Variants in LRP2 observed in about 807,000 individuals in gnomAD.
LRP2 encodes the protein low-density lipoprotein receptor-related protein 2.
Under a neutral mutation model 531.0 loss-of-function variants are expected in LRP2, and 172 were observed. The observed-to-expected ratio is 0.32, with a 90% confidence interval of 0.29 to 0.37. LRP2 has a LOEUF of 0.37. Ranked by LOEUF, LRP2 falls within the 10% of genes least tolerant of loss-of-function variation. The pLI is 1.00. For missense variants in LRP2, 5,167 were observed against 5,868.3 expected (o/e 0.88, Z 3.90); for synonymous variants, 1,992 against 2,027.6 (o/e 0.98, Z 0.47).
At position 169,213,681 on chromosome 2, in the gene LRP2, C is replaced by T; in HGVS notation, c.6016G>A (p.Gly2006Ser). The T allele has an allele frequency of 3.7e-6, 6 of 1,613,054 alleles. No individual in the cohort carries two copies. The highest frequency in any genetic ancestry group is 5.1e-6 in the Non-Finnish European group (6 of 1,179,750). ...VLRDNVPNLRGLQVYHRRNAA... is the reference protein window; with the variant it reads ...VLRDNVPNLRSLQVYHRRNAA... The stretch of plus-strand genomic sequence containing the variant: ...CTGCGTCTGTGATAAACTTGAAGAC[C>T]CCTCAGATTTGGAACATTATCTCTC... Residue 2006 changes from glycine to serine, a missense_variant, in exon 36 of 79, where the codon GGT (glycine) becomes AGT (serine). By Grantham distance (56) the Gly-to-Ser change is moderately conservative. Transcript: ENST00000649046.
chr2:169,145,428 T>C (rs2239591), intron 70 of LRP2, among the ~76,000 whole-genome samples: 109,592 of 152,180 alleles, frequency 0.72, 39,943 homozygotes, highest in South Asian at 0.86. Flanking sequence ...CCAACTCACA[T>C]TTAGCAGGGG....
chr2:169,166,100 T>C, intron 61 of LRP2, 46 bp from the exon 62 acceptor site: 5 of 1,605,388 alleles, frequency 3.1e-6, no homozygotes, highest in Non-Finnish European at 4.3e-6. Flanking sequence ...AACAGTAGAA[T>C]CTAAGTGTCA....
intron 1 of LRP2, among the ~76,000 whole-genome samples, chr2:169,341,400 C>G (rs1685559206): frequency 6.6e-6 from 1 of 152,164 alleles, no homozygotes; most frequent in African/African-American, 2.4e-5. Flanking sequence ...AGAGTCAATT[C>G]AATTCCCCAG....
intron 63 of LRP2, 33 bp downstream of exon 63, chr2:169,162,439 T>A (rs371633356): frequency 2.0e-5 from 32 of 1,612,844 alleles, no homozygotes; most frequent in Non-Finnish European, 2.1e-5. Context: ...CCTGAGTTAC[T>A]ACAATGAACT....
intron 63 of LRP2, among the ~76,000 whole-genome samples, chr2:169,158,302 T>C (rs1348003534): frequency 6.6e-6 from 1 of 152,076 alleles, no homozygotes; most frequent in East Asian, 1.9e-4. Context: ...AGAAGGAATA[T>C]GCAGTATAAT....
At chr2:169,192,953 C>T (rs371802826) in intron 47 of LRP2, among the ~76,000 whole-genome samples, 10 of 152,138 alleles carry the variant, frequency 6.6e-5, no homozygotes, top group African/African-American at 1.9e-4. Context: ...CATAGAAAGA[C>T]ATTATTCTAA....
At chr2:169,160,935 G>A (rs1408386554) in intron 63 of LRP2, among the ~76,000 whole-genome samples, 3 of 152,164 alleles carry the variant, frequency 2.0e-5, no homozygotes, top group Non-Finnish European at 4.4e-5. Flanking sequence ...ATACCTCTTC[G>A]TAACTCACGC....
intron 15 of LRP2, among the ~76,000 whole-genome samples, 188 bp downstream of exon 15, chr2:169,272,737 CAT>C (rs1683450942): frequency 6.6e-6 from 1 of 152,140 alleles, no homozygotes; most frequent in South Asian, 2.1e-4. Context: ...CATTTTCAAA[CAT>C]AGTTCTGTGT....
chr2:169,141,364 A>G (rs1685713011), intron 71 of LRP2, among the ~76,000 whole-genome samples: 1 of 152,072 alleles, frequency 6.6e-6, no homozygotes, highest in Non-Finnish European at 1.5e-5. Context: ...CTGAACTACC[A>G]TGTATTTATT....
intron 4 of LRP2, among the ~76,000 whole-genome samples, chr2:169,297,657 G>C (rs1490643224): frequency 6.6e-6 from 1 of 152,112 alleles, no homozygotes; most frequent in East Asian, 1.9e-4. Flanking sequence ...ATGCAGACAA[G>C]AGTTTTTATA....
chr2:169,290,752 C>A, intron 8 of LRP2, 93 bp downstream of exon 8: 9 of 1,361,116 alleles, frequency 6.6e-6, no homozygotes, highest in Non-Finnish European at 9.3e-6. Context: ...CTTTGTTATG[C>A]AAATGCCAAC....
At chr2:169,160,854 C>T (rs77383185) in intron 63 of LRP2, among the ~76,000 whole-genome samples, 3,739 of 152,238 alleles carry the variant, frequency 0.025, 136 homozygotes, top group African/African-American at 0.081. Flanking sequence ...TTCATTCTGT[C>T]AATAACTCCA....
intron 65 of LRP2, among the ~76,000 whole-genome samples, chr2:169,155,047 A>G (rs1686281589): frequency 6.6e-6 from 1 of 152,182 alleles, no homozygotes; most frequent in African/African-American, 2.4e-5. Flanking sequence ...GACAGATTTT[A>G]TGATTCTTTT....
chr2:169,143,814 T>C (rs1685814948), intron 70 of LRP2, among the ~76,000 whole-genome samples: 1 of 152,220 alleles, frequency 6.6e-6, no homozygotes, highest in African/African-American at 2.4e-5. Context: ...CCAAGGGTTG[T>C]ACTGGAGTGG....
Position 169,181,562 on chromosome 2 carries a change from T to C in LRP2, c.10055A>G (p.Asp3352Gly), listed in dbSNP as rs1334310790. 6.2e-7 allele frequency: 1 copy of C among 1,614,152 alleles called. No individual in the cohort carries two copies. Among genetic ancestry groups the C allele is most frequent in the African/African-American group, 1.3e-5 (1 of 75,038 alleles). Residue 3352 changes from aspartate (D) to glycine (G), a missense_variant, in exon 52 of 79, where the codon GAT (aspartate) becomes GGT (glycine). Transcript: ENST00000649046. Reference sequence around the variant, plus strand: ...GATTATCACAGACTTGTTGGTTCCATCCATGCCTACTCTCCCAATGTATGC... The same window carrying C: ...GATTATCACAGACTTGTTGGTTCCACCCATGCCTACTCTCCCAATGTATGC... ...HRAYIGRVGM[D>G]GTNKSVIIST...
Position 169,279,376 on chromosome 2 carries a change from C to T in LRP2, c.1561G>A (p.Val521Ile), listed in dbSNP as rs747479364. ...HPRGIAVDPT[V>I]GYLFFSDWES... ...ATATGTTTTCACATCACTTACCCAA[C>T]AGTTGGGTCCACGGCAATTCCTCTA... Residue 521 changes from valine (V) to isoleucine (I), a missense_variant, in exon 12 of 79, where the codon GTT becomes ATT. Transcript: ENST00000649046. The T allele has an allele frequency of 6.2e-7, 1 of 1,612,036 alleles. No individual in the cohort carries two copies. Among genetic ancestry groups the T allele is most frequent in the South Asian group, 1.1e-5 (1 of 91,040 alleles).
At position 169,170,559 on chromosome 2, in the gene LRP2, C is replaced by A. The variant is rs774602773; in HGVS notation, c.11372G>T (p.Arg3791Leu). ...YNDCGDNSDE[R>L]DCEMRTCHPE... is the part of the protein sequence containing the mutation. ...TCTCAAATGACAGTTACCACAGTCC[C>A]GTTCATCTGAGTTGTCCCCACAGTC... The change falls in exon 59 of 79, where the codon CGG (arginine) becomes CTG (leucine). Residue 3791 changes from arginine to leucine, a missense_variant. Physicochemically the swap from Arg to Leu is moderately radical, Grantham distance 102 (BLOSUM62 -2). Transcript: ENST00000649046. 1.9e-6 allele frequency: 3 copies of A among 1,613,272 alleles called. No homozygotes were observed. Among genetic ancestry groups the A allele is most frequent in the Non-Finnish European group, 2.5e-6 (3 of 1,179,208 alleles).
intron 1 of LRP2, among the ~76,000 whole-genome samples, chr2:169,339,773 T>C (rs1011129534): frequency 8.5e-5 from 13 of 152,324 alleles, no homozygotes; most frequent in Non-Finnish European, 1.6e-4. Flanking sequence ...GACTTGATGA[T>C]ATTTTGAAAA....
intron 62 of LRP2, among the ~76,000 whole-genome samples, chr2:169,164,972 G>A (rs189731566): frequency 2.4e-4 from 36 of 152,218 alleles, no homozygotes; most frequent in South Asian, 1.7e-3. Context: ...ATGCTTTTGC[G>A]CTATGCCTCA....
Sources: allele counts gnomAD v4.1 joint callset (sites outside exome capture counted in the v4.1 genomes callset), GRCh38; gene constraint gnomAD v4.1.1; transcripts MANE v1.5; gene names NCBI Gene and HGNC (gene_info 2026-07-23, HGNC 2026-07-21).